Variants in NOL4 observed in about 807,000 individuals in gnomAD.
NOL4 encodes the protein cancer/testis antigen 125.
Under a neutral mutation model 75.9 loss-of-function variants are expected in NOL4, and 17 were observed. That is an observed-to-expected ratio of 0.22 (90% CI 0.15 to 0.34). NOL4 has a LOEUF of 0.34. NOL4 is among the 10% of genes least tolerant of loss of function. NOL4 has a pLI of 1.00. For synonymous variants in NOL4, 292 were observed against 289.9 expected, an observed-to-expected ratio of 1.01 and a Z score of -0.07; for missense variants, 614 against 793.5, an observed-to-expected ratio of 0.77 and a Z score of 2.72.
At chr18:34,095,306 A>G (rs1446427002) in intron 4 of NOL4, among the ~76,000 whole-genome samples, 1 of 149,118 alleles carries the variant, frequency 6.7e-6, no homozygotes, top group Admixed American at 6.8e-5. Context: ...AGAGACTTCA[A>G]TGTGGACTGA....
At chr18:34,122,447 A>C (rs181733051) in intron 2 of NOL4, among the ~76,000 whole-genome samples, 1 of 152,180 alleles carries the variant, frequency 6.6e-6, no homozygotes, top group Non-Finnish European at 1.5e-5. Flanking sequence ...GGGGGAAAAA[A>C]GCAATTTAGA....
intron 10 of NOL4, among the ~76,000 whole-genome samples, chr18:33,856,439 G>C (rs933366073): frequency 6.6e-6 from 1 of 151,982 alleles, no homozygotes; most frequent in Non-Finnish European, 1.5e-5. Context: ...ATTGCTGATA[G>C]AGAAAAATAA....
intron 6 of NOL4, among the ~76,000 whole-genome samples, chr18:33,985,206 GA>G (rs1290834940): frequency 3.9e-5 from 6 of 152,038 alleles, no homozygotes; most frequent in African/African-American, 1.4e-4. Flanking sequence ...AAAATTTAAA[GA>G]AGCAACTCTA....
chr18:34,016,550 C>G (rs531650584), intron 6 of NOL4, among the ~76,000 whole-genome samples: 2 of 152,068 alleles, frequency 1.3e-5, no homozygotes, highest in Non-Finnish European at 2.9e-5. Flanking sequence ...ATGCCAGGTA[C>G]GCTCTCTCAT....
At chr18:33,960,752 G>A (rs2070047647) in intron 6 of NOL4, among the ~76,000 whole-genome samples, 1 of 152,094 alleles carries the variant, frequency 6.6e-6, no homozygotes, top group Admixed American at 6.6e-5. Context: ...ATGCAGTTTG[G>A]CTCTGAGTTT....
At chr18:33,888,828 A>C (rs1299015869) in intron 9 of NOL4, among the ~76,000 whole-genome samples, 7 of 152,096 alleles carry the variant, frequency 4.6e-5, no homozygotes, top group African/African-American at 1.7e-4. Context: ...GTAGCCTTGT[A>C]GTATAATGTG....
At chr18:34,016,749 T>C (rs2074719372) in intron 6 of NOL4, among the ~76,000 whole-genome samples, 1 of 152,112 alleles carries the variant, frequency 6.6e-6, no homozygotes, top group African/African-American at 2.4e-5. Context: ...TCATATCACT[T>C]ACAGAATCAG....
intron 2 of NOL4, among the ~76,000 whole-genome samples, chr18:34,116,609 T>C (rs2079871545): frequency 6.6e-6 from 1 of 152,220 alleles, no homozygotes; most frequent in Admixed American, 6.5e-5. Flanking sequence ...TCTTTTTTAG[T>C]ATCAGAGTCT....
intron 1 of NOL4, among the ~76,000 whole-genome samples, chr18:34,213,509 C>T (rs1001285701): frequency 1.6e-4 from 24 of 152,090 alleles, no homozygotes; most frequent in African/African-American, 5.3e-4. Flanking sequence ...AGGATGATCT[C>T]GATCTCTTGA....
chr18:34,003,390 C>T (rs930756350), intron 6 of NOL4, among the ~76,000 whole-genome samples: 3 of 151,834 alleles, frequency 2.0e-5, no homozygotes, highest in African/African-American at 7.3e-5. Context: ...TATCGTACAC[C>T]CTGAATAAAT....
At chr18:34,172,274 A>G (rs2033118468) in intron 1 of NOL4, among the ~76,000 whole-genome samples, 1 of 152,166 alleles carries the variant, frequency 6.6e-6, no homozygotes, top group Admixed American at 6.5e-5. Flanking sequence ...TAATCTTTTG[A>G]CTAATATAAC....
At chr18:34,027,235 G>A (rs190674754) in intron 5 of NOL4, among the ~76,000 whole-genome samples, 73 of 152,296 alleles carry the variant, frequency 4.8e-4, no homozygotes, top group African/African-American at 1.7e-3. Flanking sequence ...GATGATGACG[G>A]TGGTTTGGAA....
chr18:34,193,601 T>A (rs1256807963), intron 1 of NOL4, among the ~76,000 whole-genome samples: 1 of 114,722 alleles, frequency 8.7e-6, no homozygotes, highest in Non-Finnish European at 2.0e-5. Context: ...TTTGAGAAGA[T>A]GTGGAGGAAA....
At chr18:34,053,466 AG>A (rs1413216043) in intron 5 of NOL4, among the ~76,000 whole-genome samples, 1 of 151,940 alleles carries the variant, frequency 6.6e-6, no homozygotes, top group Admixed American at 6.6e-5. Flanking sequence ...TGGAGAAAAA[AG>A]CTTATTATAA....
chr18:34,043,436 C>G (rs1014458042), intron 5 of NOL4, among the ~76,000 whole-genome samples: 1 of 151,880 alleles, frequency 6.6e-6, no homozygotes, highest in African/African-American at 2.4e-5. Flanking sequence ...CTTATTTTTA[C>G]AGAGATCAAA....
At chr18:33,899,696 CA>C (rs1207937306) in intron 9 of NOL4, among the ~76,000 whole-genome samples, 1 of 152,158 alleles carries the variant, frequency 6.6e-6, no homozygotes, top group Non-Finnish European at 1.5e-5. Context: ...CTGGTGTTTA[CA>C]GCCGGGAACT....
At chr18:33,942,497 AG>A (rs1353280641) in intron 9 of NOL4, among the ~76,000 whole-genome samples, 6 of 151,948 alleles carry the variant, frequency 3.9e-5, no homozygotes, top group South Asian at 2.1e-4. Flanking sequence ...CTTAGAAAAA[AG>A]ATATTGAAAC....
intron 9 of NOL4, among the ~76,000 whole-genome samples, chr18:33,898,075 T>C (rs2065522243): frequency 6.6e-6 from 1 of 151,868 alleles, no homozygotes; most frequent in Non-Finnish European, 1.5e-5. Context: ...ACCCAGACAA[T>C]ATATATTTTT....
chr18:33,947,637 C>A (rs373552030), intron 8 of NOL4, among the ~76,000 whole-genome samples: 2 of 139,212 alleles, frequency 1.4e-5, no homozygotes. Context: ...TTATACACTT[C>A]AAATGATCTA....
Sources: allele counts gnomAD v4.1 joint callset (sites outside exome capture counted in the v4.1 genomes callset), GRCh38; gene constraint gnomAD v4.1.1; transcripts MANE v1.5; gene names NCBI Gene and HGNC (gene_info 2026-07-23, HGNC 2026-07-21).